Variants in MAP1S observed in about 807,000 individuals in gnomAD.
MAP1S encodes the protein microtubule-associated protein 1S.
In MAP1S, 27 loss-of-function variants were observed where a neutral mutation model predicts 60.9. That is an observed-to-expected ratio of 0.44 (90% CI 0.33 to 0.61). MAP1S has a LOEUF of 0.61. MAP1S is among the 20% of genes least tolerant of loss of function. The pLI, the probability that MAP1S is intolerant of heterozygous loss-of-function variation, is 0.03. For synonymous variants in MAP1S, 826 were observed against 694.2 expected, an observed-to-expected ratio of 1.19 and a Z score of -2.98; for missense variants, 1,608 against 1,486.6, an observed-to-expected ratio of 1.08 and a Z score of -1.34.
chr19:17,724,040 G>T, intron 2 of MAP1S, 86 bp from the exon 3 acceptor site: 2 of 974,864 alleles, frequency 2.1e-6, no homozygotes, highest in Admixed American at 1.8e-5. Flanking sequence ...TATGATCCCT[G>T]GGTGGGTTCC....
rs753453364 is a variant in MAP1S, at chr19:17,727,159, G to A, written c.1775G>A (p.Ser592Asn). 1.9e-6 allele frequency: 3 copies of A among 1,588,034 alleles called. No homozygotes were observed. In the African/African-American group the frequency reaches 4.0e-5, roughly 21 times the overall value. Residue 592 changes from serine to asparagine, a missense_variant, in exon 5 of 7, where the codon AGC becomes AAC. By Grantham distance (46) the Ser-to-Asn change is conservative. Around this residue, in one of 4 missense-constraint regions of MAP1S, gnomAD observed 1,167 missense variants for 961.4 expected, o/e 1.21. Coordinates refer to ENST00000324096, the MANE Select transcript of MAP1S (RefSeq NM_018174.6). This position sits in a 1 kb window ranked among gnomAD's most constrained non-coding sequence, Gnocchi z 4.1. ...SPPSLRCGEASPPSAACGSPA... is the reference protein window; with the variant it reads ...SPPSLRCGEANPPSAACGSPA... ...CCCAGCCTCCGATGTGGAGAAGCCA[G>A]CCCCCCCAGTGCAGCCTGCGGCTCT... is the stretch of plus-strand genomic sequence containing the variant.
intron 2 of MAP1S, 53 bp downstream of exon 2, chr19:17,721,090 G>T (rs2080366940): frequency 1.4e-6 from 2 of 1,450,994 alleles, no homozygotes; most frequent in Non-Finnish European, 1.9e-6. Context: ...TTGGGGAAGT[G>T]CCAGCCGTGT....
chr19:17,727,966 G>C lies in MAP1S; in HGVS notation c.2582G>C (p.Arg861Pro). ...GCACGGCAAACGGAGAACGTCAGCC[G>C]CACCCGGAAGCCCCTGGCCCGCCCC... ...KTARQTENVS[R>P]TRKPLARPNS... Residue 861 changes from arginine to proline, a missense_variant, in exon 5 of 7, where the codon CGC (arginine) becomes CCC (proline). Physicochemically the swap from Arg to Pro is moderately radical, Grantham distance 103. Around this residue, in one of 4 missense-constraint regions of MAP1S, gnomAD observed 1,167 missense variants for 961.4 expected, o/e 1.21. Coordinates refer to ENST00000324096, the MANE Select transcript of MAP1S (RefSeq NM_018174.6). The surrounding 1 kb of genome is among the most constrained non-coding windows in gnomAD (Gnocchi z 4.1). 6.2e-7 allele frequency: 1 copy of C among 1,606,918 alleles called. No individual in the cohort carries two copies. Among genetic ancestry groups the C allele is most frequent in the Admixed American group, 1.7e-5 (1 of 59,410 alleles).
At chr19:17,721,259 A>C (rs904101984) in intron 2 of MAP1S, 7 of 555,860 alleles carry the variant, frequency 1.3e-5, no homozygotes, top group Non-Finnish European at 2.0e-5. Flanking sequence ...AGATGAGGAA[A>C]TTGGCATTGA....
chr19:17,720,660 G>T, intron 1 of MAP1S: 1 of 701,218 alleles, frequency 1.4e-6, no homozygotes. Context: ...GAGTGGAAAC[G>T]GGTCTGGCAG....
intron 2 of MAP1S, 84 bp from the exon 3 acceptor site, chr19:17,724,042 G>T (rs529345668): frequency 5.0e-6 from 5 of 993,640 alleles, no homozygotes; most frequent in Middle Eastern, 2.4e-4. Flanking sequence ...TGATCCCTGG[G>T]TGGGTTCCCA....
At chr19:17,720,066 C>CG in intron 1 of MAP1S, 1 of 1,094,420 alleles carries the variant, frequency 9.1e-7, no homozygotes, top group Non-Finnish European at 1.1e-6. Flanking sequence ...CCTGGAGCCC[C>CG]GGGGCCCGCT....
intron 1 of MAP1S, 130 bp downstream of exon 1, chr19:17,719,750 GC>G (rs533839296): frequency 1.6e-5 from 4 of 254,808 alleles, no homozygotes; most frequent in Admixed American, 1.3e-4. Flanking sequence ...GGGGTCGCGG[GC>G]CTGGGGCTGG....
At chr19:17,722,793 G>A (rs896240209) in intron 2 of MAP1S, among the ~76,000 whole-genome samples, 1 of 150,878 alleles carries the variant, frequency 6.6e-6, no homozygotes, top group African/African-American at 2.4e-5. Flanking sequence ...GAGGGGGAGA[G>A]GGAGGGAGAG....
At chr19:17,724,323 C>A in intron 3 of MAP1S, 115 bp downstream of exon 3, 1 of 804,638 alleles carries the variant, frequency 1.2e-6, no homozygotes, top group Non-Finnish European at 2.1e-6. Flanking sequence ...AGACACCCGG[C>A]ACCACACTTC....
rs769211284 is a variant in MAP1S at position 17,726,156 on chromosome 19, G to A, written c.772G>A (p.Val258Ile). The change falls in exon 5 of 7, where the codon GTC (valine) becomes ATC (isoleucine). Residue 258 changes from valine (V) to isoleucine (I), a missense_variant. Val to Ile is a conservative substitution (Grantham distance 29, BLOSUM62 3). This residue lies in a region of MAP1S where 320 missense variants were observed against 393.1 expected (regional missense o/e 0.81). Coordinates refer to ENST00000324096, the MANE Select transcript of MAP1S (RefSeq NM_018174.6). ...GGLGDAAFFA[V>I]NGFTVLVNGG... is the part of the protein sequence containing the mutation. ...CCTCGGGGATGCCGCCTTCTTCGCC[G>A]TCAATGGCTTCACTGTGCTGGTCAA... The A allele has an allele frequency of 3.1e-6, 5 of 1,613,634 alleles. No homozygotes were observed. Among genetic ancestry groups the A allele is most frequent in the Non-Finnish European group, 4.2e-6 (5 of 1,179,840 alleles).
intron 2 of MAP1S, 75 bp downstream of exon 2, chr19:17,721,112 G>A: frequency 8.8e-7 from 1 of 1,135,714 alleles, no homozygotes; most frequent in African/African-American, 1.5e-5. Flanking sequence ...CCAGGCATGG[G>A]GGGTGGGATG....
At chr19:17,733,036 C>A (rs1244657324) in intron 5 of MAP1S, 157 bp from the exon 6 acceptor site, 1 of 571,792 alleles carries the variant, frequency 1.7e-6, no homozygotes, top group East Asian at 3.0e-5. Context: ...ATAAGATTCA[C>A]TGGAGTCATG....
rs1382180475 is a variant in MAP1S at position 17,727,958 on chromosome 19, C to G, written c.2574C>G (p.Asn858Lys). Residue 858 changes from asparagine to lysine, a missense_variant, in exon 5 of 7, where the codon AAC becomes AAG. By Grantham distance (94) the Asn-to-Lys change is moderately conservative. Transcript: ENST00000324096. This position sits in a 1 kb window ranked among gnomAD's most constrained non-coding sequence, Gnocchi z 4.1. ...LPPKTARQTE[N>K]VSRTRKPLAR... ...CCAAGACAGCACGGCAAACGGAGAA[C>G]GTCAGCCGCACCCGGAAGCCCCTGG... 1.9e-6 allele frequency: 3 copies of G among 1,607,242 alleles called. No individual in the cohort carries two copies. Among genetic ancestry groups the G allele is most frequent in the Admixed American group, 1.7e-5 (1 of 59,586 alleles).
At chr19:17,723,129 A>G (rs991822666) in intron 2 of MAP1S, among the ~76,000 whole-genome samples, 7 of 151,886 alleles carry the variant, frequency 4.6e-5, no homozygotes, top group Admixed American at 1.3e-4. Flanking sequence ...GCCCTACTTC[A>G]GCCCCGGCCC....
At chr19:17,721,194 C>A in intron 2 of MAP1S, 157 bp downstream of exon 2, 3 of 681,914 alleles carry the variant, frequency 4.4e-6, no homozygotes, top group Non-Finnish European at 8.0e-6. Flanking sequence ...GTGATAACCC[C>A]CTCAGTCCTC....
At position 17,724,142 on chromosome 19, in the gene MAP1S, C is replaced by A; in HGVS notation, c.237C>A (p.His79Gln). 1 of 1,613,922 alleles carries A rather than the reference C, an allele frequency of 6.2e-7. No individual in the cohort carries two copies. The highest frequency in any genetic ancestry group is 8.5e-7 in the Non-Finnish European group (1 of 1,179,942). The change falls in exon 3 of 7, where the codon CAC becomes CAA. Residue 79 changes from histidine to glutamine, a missense_variant. Around this residue, in one of 4 missense-constraint regions of MAP1S, gnomAD observed 320 missense variants for 393.1 expected, o/e 0.81. Coordinates refer to ENST00000324096, the MANE Select transcript of MAP1S (RefSeq NM_018174.6). ...CCCCCACAGGCCAGCGGAGCCTGCA[C>A]CACCGTGGAGACAACCTGGAGACCC... is the stretch of plus-strand genomic sequence containing the variant. Reference protein sequence around the residue: ...SSIVKGQRSLHHRGDNLETLV... With the variant: ...SSIVKGQRSLQHRGDNLETLV...
chr19:17,725,390 T>A lies in MAP1S; in HGVS notation c.444+201T>A, dbSNP rs541113481. On this transcript the variant is annotated intron_variant, in intron 4 of 6. Coordinates refer to ENST00000324096, the MANE Select transcript of MAP1S (RefSeq NM_018174.6). The surrounding 1 kb of genome is among the most constrained non-coding windows in gnomAD (Gnocchi z 4.2). ...GAAAGGGTGTGGTGTGAGCTGAGTTTGTAGGTCAGCAGATGTCCCAAAGTC... is the reference window on the plus strand; with the variant it reads ...GAAAGGGTGTGGTGTGAGCTGAGTTAGTAGGTCAGCAGATGTCCCAAAGTC... 6.6e-6 allele frequency among the ~76,000 whole-genome samples: 1 copy of A among 152,274 alleles called. No homozygotes were observed. Among genetic ancestry groups the A allele is most frequent in the African/African-American group, 2.4e-5 (1 of 41,556 alleles).
chr19:17,727,161 C>G lies in MAP1S; in HGVS notation c.1777C>G (p.Pro593Ala). ...PPSLRCGEAS[P>A]PSAACGSPAS... ...CAGCCTCCGATGTGGAGAAGCCAGC[C>G]CCCCCAGTGCAGCCTGCGGCTCTCC... is the stretch of plus-strand genomic sequence containing the variant. The change falls in exon 5 of 7, where the codon CCC (proline) becomes GCC (alanine). Residue 593 changes from proline to alanine, a missense_variant. By Grantham distance (27) the Pro-to-Ala change is conservative. Coordinates refer to ENST00000324096, the MANE Select transcript of MAP1S (RefSeq NM_018174.6). This position sits in a 1 kb window ranked among gnomAD's most constrained non-coding sequence, Gnocchi z 4.1. The G allele has an allele frequency of 3.8e-6, 6 of 1,587,934 alleles. No individual in the cohort carries two copies. The highest frequency in any genetic ancestry group is 5.1e-6 in the Non-Finnish European group (6 of 1,170,410).
Sources: gnomAD v4.1 joint callset for allele counts (sites outside exome capture counted in the v4.1 genomes callset) on GRCh38, gnomAD v4.1.1 for gene constraint, gnomAD v4.1.1 regional missense constraint, Gnocchi (gnomAD v3.1) non-coding constraint, MANE v1.5 for transcripts, NCBI Gene and HGNC (gene_info 2026-07-23, HGNC 2026-07-21) for gene names.